TSNARE1: variants seen among roughly 807,000 people sequenced by gnomAD.
The protein encoded by TSNARE1 is t-SNARE domain-containing protein 1.
TSNARE1 carries 49 observed loss-of-function variants against 62.0 expected under a neutral mutation model. The observed-to-expected ratio is 0.79, with a 90% CI of 0.63 to 1.00. TSNARE1 has a LOEUF of 1.00. TSNARE1 is among the 50% of genes least tolerant of loss of function. The pLI is 0.00. For synonymous variants in TSNARE1, 328 were observed against 294.4 expected, an observed-to-expected ratio of 1.11 and a Z score of -1.17; for missense variants, 755 against 700.1, an observed-to-expected ratio of 1.08 and a Z score of -0.88.
chr8:142,323,385 G>A lies in TSNARE1; in HGVS notation c.894-4751C>T, dbSNP rs924733789. Reference sequence around the variant, plus strand: ...GGGCAGGCGAGGCGAGGAACAGCTCGTGGCCACCTCCTGGGTCTCCAGAGT... The same window carrying A: ...GGGCAGGCGAGGCGAGGAACAGCTCATGGCCACCTCCTGGGTCTCCAGAGT... On this transcript the variant is annotated intron_variant, in intron 6 of 13. Coordinates refer to ENST00000524325, the MANE Select transcript of TSNARE1 (RefSeq NM_145003.5). Among the ~76,000 whole-genome samples the A allele has an allele frequency of 8.5e-5, 13 of 152,218 alleles. 1 individual carries two copies. Among genetic ancestry groups the A allele is most frequent in the Admixed American group, 3.9e-4 (6 of 15,284 alleles).
In TSNARE1 at chr8:142,256,055, TCACCACCACCATCACCATCACCAC is replaced by T. The variant is rs1162620194; in HGVS notation, c.1446+18702_1446+18725del. The stretch of plus-strand genomic sequence containing the variant: ...GTCACCGTCACCACCACCGTCACCA[TCACCACCACCATCACCATCACCAC>T]CACCACCACCACTGTCAGCATCACC... On this transcript the variant is annotated intron_variant, in intron 12 of 13. Transcript: ENST00000524325. Among the ~76,000 whole-genome samples, 30 of 52,670 alleles carry T rather than the reference TCACCACCACCATCACCATCACCAC, an allele frequency of 5.7e-4. 2 individuals carry two copies. The highest frequency in any genetic ancestry group is 1.7e-3 in the African/African-American group (25 of 14,744). The allele number at this position is 52,670 out of a possible 152,430, so 34.6% of individuals were successfully genotyped here. A position where few individuals can be genotyped will look rare whatever the true frequency, so the allele number is the denominator to read the frequency against.
chr8:142,367,213 C>T (rs571748321), intron 1 of TSNARE1, among the ~76,000 whole-genome samples: 4 of 152,156 alleles, frequency 2.6e-5, no homozygotes, highest in Non-Finnish European at 4.4e-5. Context: ...TACCATCATG[C>T]GTTTTTATGG....
In TSNARE1 at chr8:142,331,757, T is replaced by C. The variant is rs866506852; in HGVS notation, c.820A>G (p.Ser274Gly). 4 of 1,596,526 alleles carry C rather than the reference T, an allele frequency of 2.5e-6. No homozygotes were observed. In the African/African-American group the frequency reaches 5.4e-5, roughly 21 times the overall value. The change falls in exon 5 of 14, where the codon AGT (serine) becomes GGT (glycine). Residue 274 changes from serine to glycine, a missense_variant. Ser to Gly is a moderately conservative substitution (Grantham distance 56). Transcript: ENST00000524325. ...CCCAGGCCAGACGCACACTCACCAC[T>C]GGAGTTGATTCGGAAGACGTTGGCC... ...MSANVFRINS[S>G]VTSLERSLQS...
At chr8:142,271,684 C>T (rs1438110296) in intron 12 of TSNARE1, 68 of 1,375,564 alleles carry the variant, frequency 4.9e-5, no homozygotes, top group Non-Finnish European at 6.3e-5. Context: ...TCTCGTCCTC[C>T]TCATCAGCTA....
intron 4 of TSNARE1, among the ~76,000 whole-genome samples, chr8:142,343,595 A>G (rs1463490851): frequency 6.6e-6 from 1 of 151,750 alleles, no homozygotes; most frequent in Non-Finnish European, 1.5e-5. Context: ...GGCCAAGTCA[A>G]ACGCCAAGCA....
At chr8:142,254,888 G>A (rs368418558) in intron 12 of TSNARE1, among the ~76,000 whole-genome samples, 7 of 152,232 alleles carry the variant, frequency 4.6e-5, no homozygotes, top group East Asian at 3.9e-4. Context: ...GAAGCTGCAC[G>A]CCCCATGCCC....
At chr8:142,237,096 G>T (rs1586815552) in intron 12 of TSNARE1, among the ~76,000 whole-genome samples, 1 of 152,048 alleles carries the variant, frequency 6.6e-6, no homozygotes, top group East Asian at 1.9e-4. Flanking sequence ...GGTAGCCTGG[G>T]CTCGCTGTTC....
At chr8:142,356,842 G>T (rs1834780738) in intron 1 of TSNARE1, among the ~76,000 whole-genome samples, 1 of 152,122 alleles carries the variant, frequency 6.6e-6, no homozygotes, top group Admixed American at 6.5e-5. Context: ...TCAGGCTCGG[G>T]CAGTCTGGTT....
At chr8:142,269,973 ACT>A in intron 12 of TSNARE1, 2 of 985,152 alleles carry the variant, frequency 2.0e-6, no homozygotes, top group South Asian at 9.4e-5. Context: ...TAGTCTTTTG[ACT>A]CTCGGCTGTG....
In TSNARE1 at chr8:142,302,153, C is replaced by T. The variant is rs554707370; in HGVS notation, c.1132-1509G>A. ...TGCAGTGAACGTGCAATTCAGCAAA[C>T]CTGGCCAGGCTGCTGCTCCTGCAGC... On this transcript the variant is annotated intron_variant, in intron 9 of 13. Transcript: ENST00000524325. 1.8e-3 allele frequency among the ~76,000 whole-genome samples: 277 copies of T among 152,318 alleles called. 1 individual carries two copies. The highest frequency in any genetic ancestry group is 3.2e-3 in the Non-Finnish European group (219 of 68,032).
chr8:142,366,715 G>C (rs1835573430), intron 1 of TSNARE1, among the ~76,000 whole-genome samples: 2 of 152,178 alleles, frequency 1.3e-5, no homozygotes. Context: ...AGATCAAGAA[G>C]AAAACAAAGG....
At chr8:142,318,404 G>A in intron 7 of TSNARE1, 140 bp downstream of exon 7, 2 of 815,454 alleles carry the variant, frequency 2.5e-6, no homozygotes, top group Admixed American at 2.2e-5. Flanking sequence ...AGCCATGGGA[G>A]GCTGGGTGCC....
intron 12 of TSNARE1, chr8:142,273,172 C>T: frequency 1.0e-6 from 1 of 985,260 alleles, no homozygotes. Flanking sequence ...TTGCCACTGC[C>T]CTCCTTTCCT....
At chr8:142,290,190 G>A (rs533072631) in intron 10 of TSNARE1, among the ~76,000 whole-genome samples, 5 of 152,278 alleles carry the variant, frequency 3.3e-5, no homozygotes, top group Admixed American at 1.3e-4. Flanking sequence ...GGGCGACAGA[G>A]AGGCCAAGGC....
chr8:142,366,102 T>C, intron 1 of TSNARE1: 1 of 297,068 alleles, frequency 3.4e-6, no homozygotes, highest in Non-Finnish European at 6.6e-6. Flanking sequence ...AGTGGCACAA[T>C]CTCAGCTCAC....
At chr8:142,251,463 G>C (rs1818159462) in intron 12 of TSNARE1, among the ~76,000 whole-genome samples, 1 of 151,766 alleles carries the variant, frequency 6.6e-6, no homozygotes, top group South Asian at 2.1e-4. Context: ...CCTCCCATAA[G>C]CAGTGGGCCC....
Position 142,354,752 on chromosome 8 carries a change from C to G in TSNARE1, c.-28G>C. 6.4e-7 allele frequency: 1 copy of G among 1,574,216 alleles called. No homozygotes were observed. The highest frequency in any genetic ancestry group is 8.7e-7 in the Non-Finnish European group (1 of 1,144,498). ...TCTTACAGATGGCAGGGCCAGCAGC[C>G]TCCACACTGAGCTGGAGGAAACACG... On this transcript the variant is annotated 5_prime_UTR_variant, in exon 2 of 14. Coordinates refer to ENST00000524325, the MANE Select transcript of TSNARE1 (RefSeq NM_145003.5).
intron 12 of TSNARE1, among the ~76,000 whole-genome samples, chr8:142,252,701 AG>A: frequency 6.6e-6 from 1 of 152,328 alleles, no homozygotes; most frequent in South Asian, 2.1e-4. Flanking sequence ...TAGCACTGCG[AG>A]GGCCGTTGTT....
In TSNARE1 at chr8:142,354,935, C is replaced by G. The variant is rs182912009; in HGVS notation, c.-39-172G>C. 3.3e-4 allele frequency among the ~76,000 whole-genome samples: 50 copies of G among 152,162 alleles called. No homozygotes were observed. The East Asian group carries it at 6.6e-3, about 20-fold the overall frequency. ...CACCAGCCCCCAAACAGCAACCCCC[C>G]CACAGAGCCCCTTCAAGGTGGCCTC... is the stretch of plus-strand genomic sequence containing the variant. On this transcript the variant is annotated intron_variant, in intron 1 of 13. Transcript: ENST00000524325.
Sources: allele counts gnomAD v4.1 joint callset (sites outside exome capture counted in the v4.1 genomes callset), GRCh38; gene constraint gnomAD v4.1.1; transcripts MANE v1.5; gene names NCBI Gene and HGNC (gene_info 2026-07-23, HGNC 2026-07-21).